CNTNAP2: variants seen among roughly 807,000 people sequenced by gnomAD.
CNTNAP2 encodes contactin associated protein 2, also known as contactin-associated protein-like 2.
CNTNAP2 carries 98 observed loss-of-function variants against 155.2 expected under a neutral mutation model. The ratio of observed to expected loss-of-function variants is 0.63; its 90% confidence interval spans 0.54 to 0.75. The LOEUF (loss-of-function observed/expected upper bound fraction) is 0.75, where lower values mean the gene tolerates loss of function less well. Ranked by LOEUF, CNTNAP2 falls within the 30% of genes least tolerant of loss-of-function variation. The pLI, the probability that CNTNAP2 is intolerant of heterozygous loss-of-function variation, is 0.00. For synonymous variants in CNTNAP2, 651 were observed against 631.2 expected (o/e 1.03, Z -0.47); for missense variants, 1,727 against 1,688.1 (o/e 1.02, Z -0.40).
chr7:146,767,992 A>G (rs1012779225), intron 1 of CNTNAP2, among the ~76,000 whole-genome samples: 4 of 152,170 alleles, frequency 2.6e-5, no homozygotes, highest in Non-Finnish European at 5.9e-5. Flanking sequence ...GTTAAGTTAA[A>G]CTTGACCCTC....
intron 20 of CNTNAP2, among the ~76,000 whole-genome samples, chr7:148,241,434 T>C (rs1206505352): frequency 6.6e-6 from 1 of 152,228 alleles, no homozygotes; most frequent in Non-Finnish European, 1.5e-5. Context: ...GCATGCAGCA[T>C]GGCTGTTGCC....
Position 147,121,151 on chromosome 7 carries a change from C to G in CNTNAP2, c.927C>G (p.Asp309Glu), listed in dbSNP as rs1268578810. The change falls in exon 6 of 24, where the codon GAC (aspartate) becomes GAG (glutamate). Residue 309 changes from aspartate (D) to glutamate (E), a missense_variant. Transcript: ENST00000361727. ...CCAATGGAGAGTTTGACTACCTGGA[C>G]TTGGACTATGAGGTACATGTGATGA... is the stretch of plus-strand genomic sequence containing the variant. Reference protein sequence around the residue: ...FRTNGEFDYLDLDYEITFGGI... With the variant: ...FRTNGEFDYLELDYEITFGGI... 6.2e-7 allele frequency: 1 copy of G among 1,614,082 alleles called. No individual in the cohort carries two copies. The highest frequency in any genetic ancestry group is 1.7e-5 in the Admixed American group (1 of 60,022).
At chr7:147,602,524 A>G (rs908159243) in intron 12 of CNTNAP2, among the ~76,000 whole-genome samples, 3 of 151,358 alleles carry the variant, frequency 2.0e-5, no homozygotes, top group African/African-American at 7.3e-5. Context: ...GTTTTAGGGT[A>G]CATGTGCATA....
chr7:147,540,400 C>T (rs1799618869), intron 11 of CNTNAP2, among the ~76,000 whole-genome samples: 1 of 152,164 alleles, frequency 6.6e-6, no homozygotes. Context: ...CCAGAGGTCA[C>T]ATTTGTTCTG....
At chr7:147,689,693 T>C (rs972104159) in intron 13 of CNTNAP2, among the ~76,000 whole-genome samples, 5 of 152,142 alleles carry the variant, frequency 3.3e-5, no homozygotes, top group Admixed American at 3.3e-4. Flanking sequence ...GCTTCAGCTC[T>C]GAAGGTATGA....
At chr7:147,130,211 T>G (rs1801324976) in intron 7 of CNTNAP2, among the ~76,000 whole-genome samples, 2 of 151,982 alleles carry the variant, frequency 1.3e-5, no homozygotes, top group East Asian at 3.9e-4. Context: ...TCCAGGAGTT[T>G]GAGACCAGCC....
chr7:147,685,349 T>C (rs572873665), intron 13 of CNTNAP2, among the ~76,000 whole-genome samples: 23 of 152,100 alleles, frequency 1.5e-4, no homozygotes, highest in African/African-American at 5.3e-4. Flanking sequence ...TGCTACCTTC[T>C]TATGATTGGA....
At chr7:147,434,330 A>G (rs1481677829) in intron 10 of CNTNAP2, among the ~76,000 whole-genome samples, 2 of 152,212 alleles carry the variant, frequency 1.3e-5, no homozygotes, top group Non-Finnish European at 2.9e-5. Context: ...CAAAAACCCT[A>G]TTTTCCTCAC....
chr7:147,158,571 G>A (rs1370385433), intron 8 of CNTNAP2, among the ~76,000 whole-genome samples: 1 of 152,070 alleles, frequency 6.6e-6, no homozygotes, highest in African/African-American at 2.4e-5. Context: ...TTAGTTGCAA[G>A]TAAAATGGGA....
intron 1 of CNTNAP2, among the ~76,000 whole-genome samples, chr7:146,441,650 C>T (rs1223381319): frequency 6.6e-6 from 1 of 151,448 alleles, no homozygotes; most frequent in African/African-American, 2.5e-5. Flanking sequence ...GCTCTTGAAT[C>T]TCGCATTCCT....
intron 13 of CNTNAP2, among the ~76,000 whole-genome samples, chr7:147,664,255 C>T (rs73741214): frequency 0.05 from 7,606 of 152,164 alleles, 629 homozygotes; most frequent in African/African-American, 0.17. Flanking sequence ...TTGTTCATCT[C>T]GCCCCTAAGA....
chr7:146,865,465 A>G (rs551257768), intron 3 of CNTNAP2, among the ~76,000 whole-genome samples: 6 of 152,264 alleles, frequency 3.9e-5, no homozygotes, highest in South Asian at 4.1e-4. Flanking sequence ...ATAGATGAAG[A>G]GTCCAAAATT....
chr7:147,804,828 A>G (rs1798064806), intron 13 of CNTNAP2, among the ~76,000 whole-genome samples: 1 of 152,146 alleles, frequency 6.6e-6, no homozygotes, highest in East Asian at 1.9e-4. Context: ...TGCTGGGATT[A>G]CAGGCATGAG....
chr7:148,343,449 CT>C (rs940998717), intron 21 of CNTNAP2, among the ~76,000 whole-genome samples: 5 of 152,228 alleles, frequency 3.3e-5, no homozygotes, highest in African/African-American at 9.6e-5. Context: ...TCATACTCAT[CT>C]TTCCATCCTT....
intron 11 of CNTNAP2, among the ~76,000 whole-genome samples, chr7:147,559,564 G>A (rs1800018903): frequency 2.0e-5 from 3 of 152,124 alleles, no homozygotes; most frequent in Admixed American, 2.0e-4. Flanking sequence ...CCAAATGAAA[G>A]ACAATGATAA....
At chr7:147,074,898 TG>T (rs1259948067) in intron 4 of CNTNAP2, among the ~76,000 whole-genome samples, 1 of 152,182 alleles carries the variant, frequency 6.6e-6, no homozygotes, top group African/African-American at 2.4e-5. Flanking sequence ...AATGGTGTTT[TG>T]CTCCTTCTGA....
At chr7:148,126,653 G>A (rs1379248901) in intron 16 of CNTNAP2, among the ~76,000 whole-genome samples, 1 of 152,108 alleles carries the variant, frequency 6.6e-6, no homozygotes, top group East Asian at 1.9e-4. Flanking sequence ...TCACTGTTGA[G>A]GTCATCAATG....
chr7:148,093,198 A>T (rs1239928887), intron 15 of CNTNAP2, among the ~76,000 whole-genome samples: 2 of 152,134 alleles, frequency 1.3e-5, no homozygotes. Context: ...AAAAAAAAAA[A>T]AAATTAAATT....
intron 11 of CNTNAP2, among the ~76,000 whole-genome samples, chr7:147,502,300 C>T (rs1354370426): frequency 1.3e-5 from 2 of 152,114 alleles, no homozygotes; most frequent in Non-Finnish European, 2.9e-5. Flanking sequence ...GAATCACATA[C>T]TAAGTGTGAG....
Sources: allele counts gnomAD v4.1 joint callset (sites outside exome capture counted in the v4.1 genomes callset), GRCh38; gene constraint gnomAD v4.1.1; transcripts MANE v1.5; gene names NCBI Gene and HGNC (gene_info 2026-07-23, HGNC 2026-07-21).